Variants in ARHGAP26 observed in about 807,000 individuals in gnomAD.
ARHGAP26 encodes Rho GTPase activating protein 26, also known as rho GTPase-activating protein 26.
Under a neutral mutation model 104.8 loss-of-function variants are expected in ARHGAP26, and 38 were observed. The observed-to-expected ratio is 0.36, with a 90% confidence interval of 0.28 to 0.48. The LOEUF is 0.48. Ranked by LOEUF, ARHGAP26 falls within the 20% of genes least tolerant of loss-of-function variation. The probability of loss-of-function intolerance (pLI) is 0.99; values close to 1 mark genes in which losing one functional copy is unlikely to be tolerated. For synonymous variants in ARHGAP26, 341 were observed against 340.0 expected, an observed-to-expected ratio of 1.00 and a Z score of -0.03; for missense variants, 704 against 947.9, an observed-to-expected ratio of 0.74 and a Z score of 3.38.
At chr5:143,007,193 C>CAA (rs1562248543) in intron 11 of ARHGAP26, among the ~76,000 whole-genome samples, 4 of 115,296 alleles carry the variant, frequency 3.5e-5, no homozygotes, top group African/African-American at 1.3e-4. Context: ...ACTCTGTCTC[C>CAA]GAAAAAAAAA....
chr5:142,854,289 G>A (rs1388171944), intron 1 of ARHGAP26, among the ~76,000 whole-genome samples: 4 of 152,182 alleles, frequency 2.6e-5, no homozygotes, highest in African/African-American at 9.7e-5. Flanking sequence ...CATAAGGAAG[G>A]TAATGGGAAT....
intron 5 of ARHGAP26, among the ~76,000 whole-genome samples, chr5:142,888,063 G>C (rs1024153653): frequency 1.3e-5 from 2 of 152,162 alleles, no homozygotes; most frequent in African/African-American, 4.8e-5. Flanking sequence ...CTATAATATA[G>C]GGAAACATTT....
intron 1 of ARHGAP26, chr5:142,859,536 G>A (rs1752954163): frequency 6.6e-6 from 1 of 151,896 alleles, no homozygotes; most frequent in South Asian, 2.1e-4. Flanking sequence ...TCTTTATATT[G>A]TACAATGCCA....
chr5:143,056,900 A>G (rs1785906630), intron 16 of ARHGAP26, among the ~76,000 whole-genome samples: 1 of 152,190 alleles, frequency 6.6e-6, no homozygotes, highest in East Asian at 1.9e-4. Flanking sequence ...CAGGAAGGAG[A>G]AAGCCAGGAG....
chr5:143,054,240 A>C (rs1391458367), intron 14 of ARHGAP26, among the ~76,000 whole-genome samples, 199 bp from the exon 15 acceptor site: 1 of 152,242 alleles, frequency 6.6e-6, no homozygotes, highest in East Asian at 1.9e-4. Context: ...GGAGAGGATC[A>C]GTTTCACTGC....
chr5:143,166,643 C>A (rs955717139), intron 20 of ARHGAP26, among the ~76,000 whole-genome samples: 1 of 152,188 alleles, frequency 6.6e-6, no homozygotes, highest in Non-Finnish European at 1.5e-5. Flanking sequence ...CTTAGAATTT[C>A]ACCTGCTGCT....
chr5:142,909,104 C>T (rs1237160947), intron 9 of ARHGAP26, among the ~76,000 whole-genome samples: 2 of 152,148 alleles, frequency 1.3e-5, no homozygotes, highest in African/African-American at 4.8e-5. Flanking sequence ...GGAAAATTCT[C>T]ACCAATTATC....
At chr5:143,152,240 A>G (rs190783046) in intron 20 of ARHGAP26, among the ~76,000 whole-genome samples, 2 of 152,284 alleles carry the variant, frequency 1.3e-5, no homozygotes, top group Admixed American at 1.3e-4. Flanking sequence ...ATAATAATGA[A>G]CCAATATAAA....
intron 10 of ARHGAP26, among the ~76,000 whole-genome samples, chr5:142,930,767 AT>A (rs967120651): frequency 6.6e-6 from 1 of 152,098 alleles, no homozygotes; most frequent in African/African-American, 2.4e-5. Context: ...ACGGCTCTAA[AT>A]TTTTAAGGGG....
intron 11 of ARHGAP26, among the ~76,000 whole-genome samples, chr5:142,991,318 A>G (rs1206310133): frequency 6.6e-6 from 1 of 152,202 alleles, no homozygotes; most frequent in Non-Finnish European, 1.5e-5. Context: ...GGAAAAGCGC[A>G]GTATTAGGGT....
chr5:143,065,556 TA>T (rs1481508612), intron 17 of ARHGAP26, among the ~76,000 whole-genome samples: 1 of 152,176 alleles, frequency 6.6e-6, no homozygotes, highest in Non-Finnish European at 1.5e-5. Context: ...GCATGTGAAT[TA>T]TTTCTCTCTG....
intron 10 of ARHGAP26, among the ~76,000 whole-genome samples, chr5:142,922,719 T>G (rs1282039594): frequency 6.6e-6 from 1 of 152,204 alleles, no homozygotes; most frequent in East Asian, 1.9e-4. Context: ...CACTGTCCTG[T>G]GTGTGCTGAG....
At chr5:142,942,384 A>C (rs974784179) in intron 11 of ARHGAP26, among the ~76,000 whole-genome samples, 1 of 152,222 alleles carries the variant, frequency 6.6e-6, no homozygotes, top group African/African-American at 2.4e-5. Context: ...AAAGTATTAA[A>C]ACATTTATGA....
intron 17 of ARHGAP26, among the ~76,000 whole-genome samples, chr5:143,115,831 ATGTC>A (rs1409727371): frequency 6.6e-6 from 1 of 152,174 alleles, no homozygotes; most frequent in South Asian, 2.1e-4. Context: ...CCAGCTGTTA[ATGTC>A]TGTCTTATTC....
chr5:143,168,414 CATAGTCAA>C (rs1802311086), intron 20 of ARHGAP26: 1 of 119,858 alleles, frequency 8.3e-6, no homozygotes, highest in East Asian at 2.9e-4. Flanking sequence ...AGCTTTGCTT[CATAGTCAA>C]ATAGACCTCA....
chr5:143,166,848 C>G lies in ARHGAP26; in HGVS notation c.1988+19467C>G, dbSNP rs1021316591. Among the ~76,000 whole-genome samples the G allele has an allele frequency of 2.0e-5, 3 of 152,204 alleles. No homozygotes were observed. The South Asian group carries it at 6.2e-4, about 31-fold the overall frequency. On this transcript the variant is annotated intron_variant, in intron 20 of 22. Coordinates refer to ENST00000645722, the MANE Select transcript of ARHGAP26 (RefSeq NM_001135608.3). ...ACCTTTTGCAGACAATTACAACAAA[C>G]TTGGCTCCTTGGCTTTCTGCCATCC...
At chr5:142,885,973 G>T (rs1720248512) in intron 5 of ARHGAP26, among the ~76,000 whole-genome samples, 1 of 151,982 alleles carries the variant, frequency 6.6e-6, no homozygotes, top group South Asian at 2.1e-4. Context: ...GGTTTTTCTG[G>T]GTTTGCATGG....
intron 17 of ARHGAP26, among the ~76,000 whole-genome samples, chr5:143,091,322 T>C (rs1384877579): frequency 1.3e-5 from 2 of 152,222 alleles, no homozygotes; most frequent in African/African-American, 4.8e-5. Flanking sequence ...AGGCTGGTGC[T>C]ATTTACCAGA....
intron 11 of ARHGAP26, among the ~76,000 whole-genome samples, chr5:142,951,703 GAGGGCCCTATCTT>G (rs1193690947): frequency 6.6e-6 from 1 of 152,184 alleles, no homozygotes; most frequent in African/African-American, 2.4e-5. Context: ...CAGAGTAGAG[GAGGGCCCTATCTT>G]AGGGAGTCCC....
Sources: allele counts gnomAD v4.1 joint callset (sites outside exome capture counted in the v4.1 genomes callset), GRCh38; gene constraint gnomAD v4.1.1; transcripts MANE v1.5; gene names NCBI Gene and HGNC (gene_info 2026-07-23, HGNC 2026-07-21).